Variants in EHMT1 observed in about 807,000 individuals in gnomAD.
The protein encoded by EHMT1 is euchromatic histone lysine methyltransferase 1.
Under a neutral mutation model 147.2 loss-of-function variants are expected in EHMT1, and 15 were observed. The ratio of observed to expected loss-of-function variants is 0.10; its 90% CI spans 0.07 to 0.16. EHMT1 has a LOEUF of 0.16. Ranked by LOEUF, EHMT1 falls within the 10% of genes least tolerant of loss-of-function variation. The pLI, the probability that EHMT1 is intolerant of heterozygous loss-of-function variation, is 1.00. For missense variants in EHMT1, 1,587 were observed against 1,772.4 expected (o/e 0.90, Z 1.88); for synonymous variants, 795 against 709.6 (o/e 1.12, Z -1.91).
chr9:137,788,073 TC>T, intron 15 of EHMT1: 1 of 1,359,582 alleles, frequency 7.4e-7, no homozygotes, highest in Non-Finnish European at 1.0e-6. Flanking sequence ...AGTCTCCCCC[TC>T]CACTCTCGTG....
At chr9:137,767,767 C>A (rs1409731469) in intron 10 of EHMT1, among the ~76,000 whole-genome samples, 2 of 152,022 alleles carry the variant, frequency 1.3e-5, no homozygotes, top group Admixed American at 6.5e-5. Context: ...GTGCCAAGAT[C>A]TCACTACTGC....
chr9:137,771,585 G>C (rs1174872959), intron 10 of EHMT1, among the ~76,000 whole-genome samples: 1 of 152,144 alleles, frequency 6.6e-6, no homozygotes, highest in Non-Finnish European at 1.5e-5. Context: ...TGGCTGGTTG[G>C]CTTCAGCTTC....
At chr9:137,647,250 A>C (rs545207633) in intron 1 of EHMT1, among the ~76,000 whole-genome samples, 18 of 152,012 alleles carry the variant, frequency 1.2e-4, no homozygotes, top group Non-Finnish European at 1.9e-4. Context: ...TGTTGACCCC[A>C]GGCTCGTGCC....
chr9:137,695,660 G>A (rs1943341430), intron 1 of EHMT1, among the ~76,000 whole-genome samples: 1 of 152,206 alleles, frequency 6.6e-6, no homozygotes, highest in Admixed American at 6.5e-5. Flanking sequence ...TCTTGGCTAG[G>A]GCACCCATGT....
chr9:137,792,167 A>G (rs995021644), intron 16 of EHMT1: 4 of 461,644 alleles, frequency 8.7e-6, no homozygotes, highest in Non-Finnish European at 1.8e-5. Context: ...AAAACTTACT[A>G]TATACGGCCA....
In EHMT1 at chr9:137,619,034, C is replaced by A. The variant is rs1043305457; in HGVS notation, c.6C>A (p.Ala2=). The change falls in exon 1 of 27, where the codon GCC becomes GCA. Residue 2 remains alanine (A), a synonymous_variant. Coordinates refer to ENST00000460843, the MANE Select transcript of EHMT1 (RefSeq NM_024757.5). M[A]AADAEAVPAR... ...CCACGCTGCGGGCCCGGGCCATGGC[C>A]GCCGCCGATGCCGAGGTGAGCAGCG... 2.1e-6 allele frequency: 2 copies of A among 967,218 alleles called. No homozygotes were observed. The highest frequency in any genetic ancestry group is 4.6e-5 in the South Asian group (1 of 21,802). 59.9% of individuals were successfully genotyped at this position (967,218 alleles called of 1,614,324 possible). A position where few individuals can be genotyped will look rare whatever the true frequency, so the allele number is the denominator to read the frequency against.
chr9:137,758,215 C>T (rs1949528689), intron 9 of EHMT1, among the ~76,000 whole-genome samples: 1 of 152,194 alleles, frequency 6.6e-6, no homozygotes, highest in South Asian at 2.1e-4. Flanking sequence ...TTACGGAAAC[C>T]CTCTAAGAGT....
At position 137,787,793 on chromosome 9, in the gene EHMT1, T is replaced by A; in HGVS notation, c.2383-3055T>A. On this transcript the variant is annotated intron_variant, in intron 15 of 26. Transcript: ENST00000460843. This position sits in a 1 kb window ranked among gnomAD's most constrained non-coding sequence, Gnocchi z 4.2. ...GAAGAGGGCGTCTAGATCCCAGCCC[T>A]GGGGGCCCTCAGGTTTCAGGGGCCA... The A allele has an allele frequency of 2.3e-6, 2 of 854,908 alleles. No homozygotes were observed. The highest frequency in any genetic ancestry group is 4.1e-6 in the Non-Finnish European group (2 of 492,066). The allele number at this position is 854,908 out of a possible 1,614,324, so 53.0% of individuals were successfully genotyped here. A position where few individuals can be genotyped will look rare whatever the true frequency, so the allele number is the denominator to read the frequency against.
intron 10 of EHMT1, 166 bp downstream of exon 10, chr9:137,762,986 A>G (rs915928459): frequency 2.3e-6 from 2 of 853,888 alleles, no homozygotes; most frequent in African/African-American, 3.3e-5. Flanking sequence ...CAGTGAAATC[A>G]CGGCAGATGA....
chr9:137,746,073 A>T (rs929612478), intron 6 of EHMT1: 1 of 152,362 alleles, frequency 6.6e-6, no homozygotes, highest in African/African-American at 2.4e-5. Flanking sequence ...TGGCTCCAGT[A>T]TGAATGGAGG....
intron 1 of EHMT1, among the ~76,000 whole-genome samples, chr9:137,642,074 A>C (rs528780789): frequency 1.3e-3 from 199 of 152,126 alleles, no homozygotes; most frequent in Non-Finnish European, 2.0e-3. Context: ...TCCTGACCTC[A>C]GGTGATCCAC....
At chr9:137,725,685 C>T (rs759396851) in intron 3 of EHMT1, among the ~76,000 whole-genome samples, 9 of 152,252 alleles carry the variant, frequency 5.9e-5, no homozygotes, top group Middle Eastern at 3.4e-3. Context: ...GCAAGGACCA[C>T]ATGGCAGCAA....
At chr9:137,660,559 A>G (rs1006646500) in intron 1 of EHMT1, among the ~76,000 whole-genome samples, 5 of 152,120 alleles carry the variant, frequency 3.3e-5, no homozygotes, top group East Asian at 1.9e-4. Flanking sequence ...TTATTCTTCA[A>G]TATTAACTCT....
In EHMT1 at chr9:137,807,625, A is replaced by C. The variant is rs376379378; in HGVS notation, c.2713-3836A>C. On this transcript the variant is annotated intron_variant, in intron 18 of 26. Transcript: ENST00000460843. ...CAGGTTCAAGCCATTCTCCTGCCTCAGCCTCCCGAGTAACTGGAATTACAG... is the reference window on the plus strand; with the variant it reads ...CAGGTTCAAGCCATTCTCCTGCCTCCGCCTCCCGAGTAACTGGAATTACAG... Among the ~76,000 whole-genome samples the C allele has an allele frequency of 3.9e-5, 6 of 152,208 alleles. No homozygotes were observed. The East Asian group carries it at 9.6e-4, about 24-fold the overall frequency.
At chr9:137,725,481 C>T (rs1164613326) in intron 3 of EHMT1, among the ~76,000 whole-genome samples, 1 of 152,174 alleles carries the variant, frequency 6.6e-6, no homozygotes, top group South Asian at 2.1e-4. Context: ...AGAGGAATCA[C>T]TGAATGTGGC....
At chr9:137,687,271 T>C (rs1160538931) in intron 1 of EHMT1, among the ~76,000 whole-genome samples, 1 of 123,880 alleles carries the variant, frequency 8.1e-6, no homozygotes, top group Admixed American at 7.4e-5. Context: ...GCTGTATCCT[T>C]CTTTTTCCAA....
chr9:137,684,070 T>C (rs1942211495), intron 1 of EHMT1, among the ~76,000 whole-genome samples: 1 of 152,212 alleles, frequency 6.6e-6, no homozygotes, highest in African/African-American at 2.4e-5. Flanking sequence ...GGCCTCACTC[T>C]GTCACCCAGG....
intron 25 of EHMT1, among the ~76,000 whole-genome samples, chr9:137,829,914 C>T (rs948874351): frequency 6.6e-6 from 1 of 152,212 alleles, no homozygotes; most frequent in Non-Finnish European, 1.5e-5. Context: ...AACAGACATT[C>T]TTCTGTTTAA....
At chr9:137,743,680 C>A in intron 5 of EHMT1, 152 bp downstream of exon 5, 3 of 1,283,732 alleles carry the variant, frequency 2.3e-6, no homozygotes, top group Non-Finnish European at 2.2e-6. Flanking sequence ...TGTTCGTGTC[C>A]AAGATCATTG....
Sources: allele counts gnomAD v4.1 joint callset (sites outside exome capture counted in the v4.1 genomes callset), GRCh38; gene constraint gnomAD v4.1.1; non-coding constraint Gnocchi (gnomAD v3.1); transcripts MANE v1.5; gene names NCBI Gene and HGNC (gene_info 2026-07-23, HGNC 2026-07-21).